EYA4: variants seen among roughly 807,000 people sequenced by gnomAD.
EYA4 encodes the protein protein phosphatase EYA4.
A neutral mutation model predicts 87.9 loss-of-function variants in EYA4; 31 were observed. That is an observed-to-expected ratio of 0.35 (90% confidence interval 0.27 to 0.48). EYA4 has a LOEUF of 0.48. EYA4 is among the 20% of genes least tolerant of loss of function. The probability of loss-of-function intolerance (pLI) is 0.99; values close to 1 mark genes in which losing one functional copy is unlikely to be tolerated. For synonymous variants in EYA4, 263 were observed against 270.6 expected (o/e 0.97, Z 0.28); for missense variants, 678 against 761.4 (o/e 0.89, Z 1.29).
At chr6:133,457,650 A>G (rs1794022921) in intron 6 of EYA4, among the ~76,000 whole-genome samples, 1 of 152,194 alleles carries the variant, frequency 6.6e-6, no homozygotes, top group South Asian at 2.1e-4. Context: ...ACTCCAAGAA[A>G]GAAATAATAG....
At chr6:133,275,400 G>T (rs1467100891) in intron 2 of EYA4, among the ~76,000 whole-genome samples, 1 of 152,128 alleles carries the variant, frequency 6.6e-6, no homozygotes, top group Non-Finnish European at 1.5e-5. Flanking sequence ...GGAACTAGAG[G>T]CAGTGGGAGG....
intron 1 of EYA4, among the ~76,000 whole-genome samples, chr6:133,245,818 T>C (rs1331249296): frequency 6.6e-6 from 1 of 152,224 alleles, no homozygotes; most frequent in Non-Finnish European, 1.5e-5. Context: ...CAACTTTGAT[T>C]GCTTTTAAGA....
At chr6:133,445,745 A>G (rs1792762996) in intron 3 of EYA4, among the ~76,000 whole-genome samples, 4 of 151,456 alleles carry the variant, frequency 2.6e-5, no homozygotes, top group South Asian at 2.1e-4. Flanking sequence ...AGCCCGGCTG[A>G]TTTTTTTTGT....
At chr6:133,474,876 G>A (rs982187) in intron 11 of EYA4, among the ~76,000 whole-genome samples, 2 of 152,084 alleles carry the variant, frequency 1.3e-5, no homozygotes, top group Non-Finnish European at 2.9e-5. Flanking sequence ...GTTTTTCATA[G>A]AACAGTCACT....
intron 3 of EYA4, among the ~76,000 whole-genome samples, chr6:133,391,216 G>GTTTTTTTTT (rs1171912624): frequency 1.2e-4 from 8 of 68,950 alleles, no homozygotes; most frequent in East Asian, 8.8e-4. Flanking sequence ...TTTGGGTTTT[G>GTTTTTTTTT]TTTTTGTTTT....
intron 3 of EYA4, among the ~76,000 whole-genome samples, chr6:133,388,707 C>A (rs1786988491): frequency 1.3e-5 from 2 of 152,142 alleles, no homozygotes; most frequent in Admixed American, 1.3e-4. Flanking sequence ...AAGACTCATC[C>A]TAAAACCCAT....
chr6:133,363,393 C>T (rs1157053893), intron 2 of EYA4: 1 of 152,184 alleles, frequency 6.6e-6, no homozygotes, highest in Non-Finnish European at 1.5e-5. Flanking sequence ...GGACTCACAG[C>T]TCTGACGTTG....
Position 133,529,638 on chromosome 6 carries a change from G to A in EYA4, c.*833G>A. 1 of 984,998 alleles carries A rather than the reference G, an allele frequency of 1.0e-6. No homozygotes were observed. Among genetic ancestry groups the A allele is most frequent in the Non-Finnish European group, 1.2e-6 (1 of 829,690 alleles). 61.0% of individuals were successfully genotyped at this position (984,998 alleles called of 1,614,324 possible). A position where few individuals can be genotyped will look rare whatever the true frequency, so the allele number is the denominator to read the frequency against. ...AGAAACTGAGTATTTTTTGCAATAA[G>A]AAAACAACAATAATAAAGGAAAGCT... On this transcript the variant is annotated 3_prime_UTR_variant, in exon 20 of 20. Transcript: ENST00000355286.
chr6:133,469,528 C>G (rs1413600955), intron 11 of EYA4, among the ~76,000 whole-genome samples: 2 of 151,784 alleles, frequency 1.3e-5, no homozygotes, highest in Non-Finnish European at 2.9e-5. Flanking sequence ...ATGGAGAGTC[C>G]AGAAACAGAT....
intron 10 of EYA4, among the ~76,000 whole-genome samples, chr6:133,465,757 T>C (rs1221466400): frequency 6.6e-6 from 1 of 152,176 alleles, no homozygotes; most frequent in Non-Finnish European, 1.5e-5. Flanking sequence ...GTACAAGTGC[T>C]TACTTTTTAG....
chr6:133,517,877 A>G (rs1287241045), intron 17 of EYA4, among the ~76,000 whole-genome samples: 12 of 152,164 alleles, frequency 7.9e-5, no homozygotes, highest in Non-Finnish European at 1.8e-4. Flanking sequence ...AAGATTACCA[A>G]TTTCACCTGT....
intron 2 of EYA4, among the ~76,000 whole-genome samples, chr6:133,344,532 A>G (rs1444087988): frequency 6.6e-6 from 1 of 152,192 alleles, no homozygotes; most frequent in African/African-American, 2.4e-5. Flanking sequence ...GATATGGTCC[A>G]TTTATACTTG....
intron 5 of EYA4, 130 bp downstream of exon 5, chr6:133,448,309 G>A (rs559108522): frequency 5.4e-6 from 4 of 739,446 alleles, no homozygotes; most frequent in Non-Finnish European, 9.8e-6. Flanking sequence ...AAATGAACAT[G>A]CCTTTTAGTT....
intron 1 of EYA4, among the ~76,000 whole-genome samples, chr6:133,244,400 A>T (rs1774234876): frequency 6.6e-6 from 1 of 152,096 alleles, no homozygotes; most frequent in East Asian, 1.9e-4. Flanking sequence ...AGTAGGCTTA[A>T]GTTTTAAAAT....
At chr6:133,333,020 G>T (rs1201074322) in intron 2 of EYA4, among the ~76,000 whole-genome samples, 4 of 151,994 alleles carry the variant, frequency 2.6e-5, no homozygotes, top group African/African-American at 9.7e-5. Flanking sequence ...CTTCCAGTTT[G>T]TTATATTCTC....
chr6:133,273,098 T>TGTATATATATATATATATAC (rs1491433344), intron 1 of EYA4, among the ~76,000 whole-genome samples: 2 of 83,098 alleles, frequency 2.4e-5, no homozygotes, highest in African/African-American at 1.5e-4. Context: ...TATATATATG[T>TGTATATATATATATATATAC]ATATATATAT....
intron 2 of EYA4, among the ~76,000 whole-genome samples, chr6:133,304,561 A>G (rs1021478319): frequency 2.0e-5 from 3 of 152,194 alleles, no homozygotes; most frequent in African/African-American, 7.2e-5. Context: ...ATAAGTCTGG[A>G]GAAATACACT....
chr6:133,242,497 G>GTAGA (rs906024864), intron 1 of EYA4, among the ~76,000 whole-genome samples: 2 of 152,172 alleles, frequency 1.3e-5, no homozygotes, highest in African/African-American at 4.8e-5. Context: ...ACCTGGCTGG[G>GTAGA]TAGAGCAGGT....
chr6:133,468,521 G>T (rs1311315729), intron 10 of EYA4, 45 bp from the exon 11 acceptor site: 1 of 1,457,646 alleles, frequency 6.9e-7, no homozygotes, highest in Non-Finnish European at 9.6e-7. Context: ...GAGTATTAAA[G>T]AGTAATTTCT....
Sources: allele counts gnomAD v4.1 joint callset (sites outside exome capture counted in the v4.1 genomes callset), GRCh38; gene constraint gnomAD v4.1.1; transcripts MANE v1.5; gene names NCBI Gene and HGNC (gene_info 2026-07-23, HGNC 2026-07-21).